Variants in ABCA13 observed in about 807,000 individuals in gnomAD.
ABCA13 encodes the protein ATP-binding cassette sub-family A member 13.
Under a neutral mutation model 478.7 loss-of-function variants are expected in ABCA13, and 476 were observed. The observed-to-expected ratio is 0.99, with a 90% CI of 0.92 to 1.07. The LOEUF (loss-of-function observed/expected upper bound fraction) is 1.07. ABCA13 is among the 50% of genes least tolerant of loss of function. The probability of loss-of-function intolerance (pLI) is 0.00; values close to 1 mark genes in which losing one functional copy is unlikely to be tolerated. For missense variants in ABCA13, 6,060 were observed against 5,910.6 expected, an observed-to-expected ratio of 1.03 and a Z score of -0.83; for synonymous variants, 2,252 against 2,158.9, an observed-to-expected ratio of 1.04 and a Z score of -1.20.
At chr7:48,407,485 A>T (rs78169247) in intron 39 of ABCA13, among the ~76,000 whole-genome samples, 170 of 149,734 alleles carry the variant, frequency 1.1e-3, no homozygotes, top group East Asian at 1.8e-3. Flanking sequence ...AAAAAAAAAA[A>T]TTTTCAGGGA....
intron 57 of ABCA13, among the ~76,000 whole-genome samples, chr7:48,587,636 T>TGTA (rs1244047145): frequency 6.6e-6 from 1 of 152,190 alleles, no homozygotes; most frequent in Non-Finnish European, 1.5e-5. Context: ...TGTGTGTAGA[T>TGTA]GTATGTTTAT....
rs1819395487 is a variant in ABCA13 at position 48,412,444 on chromosome 7, G to GC, written c.12321dup (p.Ser4108GlnfsTer4). ...ATTCCACAAGCATTTCTCAAAGACA[G>GC]CAGTGGAAGTGAGCTGACCTACACC... On this transcript the variant is annotated frameshift_variant, in exon 41 of 62. Transcript: ENST00000435803. LOFTEE classifies it high-confidence loss of function. 8.7e-6 allele frequency: 14 copies of GC among 1,613,360 alleles called. No individual in the cohort carries two copies. Among genetic ancestry groups the GC allele is most frequent in the Non-Finnish European group, 1.2e-5 (14 of 1,179,778 alleles).
Position 48,520,156 on chromosome 7 carries a change from A to G in ABCA13, c.13913A>G (p.His4638Arg), listed in dbSNP as rs974978800. Reference protein sequence around the residue: ...CYNQIKYDLTHNFGIDSYVSP... With the variant: ...CYNQIKYDLTRNFGIDSYVSP... ...AATCAGATCAAATATGACCTGACCCACAACTTCGGCATTGATTCCTATGTG... is the reference window on the plus strand; with the variant it reads ...AATCAGATCAAATATGACCTGACCCGCAACTTCGGCATTGATTCCTATGTG... The change falls in exon 53 of 62, where the codon CAC (histidine) becomes CGC (arginine). Residue 4638 changes from histidine (H) to arginine (R), a missense_variant. By Grantham distance (29) the His-to-Arg change is conservative. This residue lies in a region of ABCA13 where 1,627 missense variants were observed against 1,571.0 expected (regional missense o/e 1.04). Coordinates refer to ENST00000435803, the MANE Select transcript of ABCA13 (RefSeq NM_152701.5). 2 of 1,613,720 alleles carry G rather than the reference A, an allele frequency of 1.2e-6. No individual in the cohort carries two copies. Among genetic ancestry groups the G allele is most frequent in the African/African-American group, 2.7e-5 (2 of 74,906 alleles).
At chr7:48,175,699 GC>G (rs1328921480) in intron 1 of ABCA13, among the ~76,000 whole-genome samples, 1 of 152,158 alleles carries the variant, frequency 6.6e-6, no homozygotes, top group African/African-American at 2.4e-5. Context: ...GGGATTACAG[GC>G]GTGAGCCACT....
rs1393766998 is a variant in ABCA13, at chr7:48,644,604, T to G, written c.14944-13T>G. 3.8e-6 allele frequency: 6 copies of G among 1,575,740 alleles called. No homozygotes were observed. In the African/African-American group the frequency reaches 6.9e-5, roughly 18 times the overall value. ...TTATATGATACTTTTTTTTTTTTTT[T>G]TTTTGCTTTTAGGGACAGCACCTGA... On this transcript the variant is annotated splice_polypyrimidine_tract_variant and intron_variant, in intron 60 of 61. Transcript: ENST00000435803.
intron 51 of ABCA13, among the ~76,000 whole-genome samples, chr7:48,515,048 G>T (rs951047314): frequency 2.6e-5 from 4 of 151,974 alleles, no homozygotes; most frequent in Non-Finnish European, 4.4e-5. Context: ...ATATGAAAGG[G>T]GGTGCATACT....
chr7:48,489,694 G>A (rs1240116453), intron 48 of ABCA13, among the ~76,000 whole-genome samples: 1 of 152,158 alleles, frequency 6.6e-6, no homozygotes, highest in Non-Finnish European at 1.5e-5. Context: ...TACTGTAATA[G>A]AGAATACAGA....
intron 42 of ABCA13, 63 bp downstream of exon 42, chr7:48,427,934 A>C: frequency 8.7e-7 from 1 of 1,144,150 alleles, no homozygotes; most frequent in Non-Finnish European, 1.2e-6. Flanking sequence ...CTTATTCAAC[A>C]TCCCTTGTTT....
intron 1 of ABCA13, among the ~76,000 whole-genome samples, chr7:48,192,202 CAAATGATTAAATTCCATGTGTG>C (rs1223120132): frequency 5.3e-5 from 8 of 150,280 alleles, no homozygotes; most frequent in Admixed American, 4.0e-4. Context: ...TTTTTTTCCT[CAAATGATTAAATTCCATGTGTG>C]AAATGATTAA....
At chr7:48,215,961 C>A (rs1385391090) in intron 3 of ABCA13, among the ~76,000 whole-genome samples, 1 of 152,118 alleles carries the variant, frequency 6.6e-6, no homozygotes, top group Non-Finnish European at 1.5e-5. Flanking sequence ...AATTGATGAT[C>A]AACTAATATT....
intron 37 of ABCA13, 50 bp from the exon 38 acceptor site, chr7:48,391,871 C>A: frequency 6.5e-7 from 1 of 1,542,100 alleles, no homozygotes; most frequent in South Asian, 1.2e-5. Context: ...TGCTGACGTT[C>A]ACAGTATCAG....
At chr7:48,203,608 C>T (rs1454519322) in intron 3 of ABCA13, among the ~76,000 whole-genome samples, 1 of 146,534 alleles carries the variant, frequency 6.8e-6, no homozygotes, top group Non-Finnish European at 1.5e-5. Flanking sequence ...GGGGGTTTCC[C>T]CTTCATTTTA....
At chr7:48,239,218 A>C (rs1230951221) in intron 8 of ABCA13, 23 bp from the exon 9 acceptor site, 1 of 1,613,098 alleles carries the variant, frequency 6.2e-7, no homozygotes, top group South Asian at 1.1e-5. Flanking sequence ...TTATGTCTAA[A>C]TATTTTTTCA....
chr7:48,485,799 T>C (rs1269618761), intron 47 of ABCA13, among the ~76,000 whole-genome samples: 1 of 152,180 alleles, frequency 6.6e-6, no homozygotes. Flanking sequence ...CCACTATCTG[T>C]GGGGAATTTG....
intron 51 of ABCA13, among the ~76,000 whole-genome samples, chr7:48,515,610 G>A (rs1469902754): frequency 1.3e-5 from 2 of 152,042 alleles, no homozygotes; most frequent in Non-Finnish European, 2.9e-5. Flanking sequence ...TGCAAAGCTC[G>A]ATCAAGTGTC....
At chr7:48,315,090 T>A (rs1286044031) in intron 26 of ABCA13, among the ~76,000 whole-genome samples, 4 of 152,246 alleles carry the variant, frequency 2.6e-5, no homozygotes, top group African/African-American at 4.8e-5. Context: ...TTGTTTTATG[T>A]GTCTGCATCA....
chr7:48,305,486 CT>C (rs1220772793), intron 23 of ABCA13, among the ~76,000 whole-genome samples: 1 of 152,174 alleles, frequency 6.6e-6, no homozygotes, highest in Non-Finnish European at 1.5e-5. Flanking sequence ...ATTGTCTTGT[CT>C]TACAAATTCT....
intron 27 of ABCA13, among the ~76,000 whole-genome samples, chr7:48,321,240 A>G (rs935664355): frequency 2.0e-5 from 3 of 152,206 alleles, no homozygotes; most frequent in African/African-American, 4.8e-5. Flanking sequence ...ATGCACAGGA[A>G]AGCCCCCACC....
At chr7:48,221,974 G>A (rs908063586) in intron 5 of ABCA13, among the ~76,000 whole-genome samples, 8 of 152,168 alleles carry the variant, frequency 5.3e-5, no homozygotes, top group African/African-American at 1.9e-4. Flanking sequence ...TGACTGTACA[G>A]GACTTTGTAG....
Sources: gnomAD v4.1 joint callset for allele counts (sites outside exome capture counted in the v4.1 genomes callset) on GRCh38, gnomAD v4.1.1 for gene constraint, gnomAD v4.1.1 regional missense constraint, MANE v1.5 for transcripts, NCBI Gene and HGNC (gene_info 2026-07-23, HGNC 2026-07-21) for gene names.